The following PDSS2 variants were observed in gnomAD, a reference collection of about 807,000 sequenced individuals.
PDSS2 encodes the protein all trans-polyprenyl-diphosphate synthase PDSS2.
A neutral mutation model predicts 44.5 loss-of-function variants in PDSS2; 31 were observed. The ratio of observed to expected loss-of-function variants is 0.70; its 90% CI spans 0.52 to 0.94. The LOEUF is 0.94. Among genes scored for constraint, PDSS2 ranks in the 40% least tolerant of loss-of-function variants. The pLI, the probability that PDSS2 is intolerant of heterozygous loss-of-function variation, is 0.00. For missense variants in PDSS2, 452 were observed against 482.2 expected (o/e 0.94, Z 0.59); for synonymous variants, 157 against 180.3 (o/e 0.87, Z 1.03).
chr6:107,269,117 T>C (rs1775506368), intron 3 of PDSS2, among the ~76,000 whole-genome samples: 1 of 152,010 alleles, frequency 6.6e-6, no homozygotes, highest in South Asian at 2.1e-4. Flanking sequence ...TTTCAGGGTT[T>C]CATCATGTTG....
chr6:107,154,711 T>A lies in PDSS2; in HGVS notation c.1108A>T (p.Asn370Tyr). The A allele has an allele frequency of 6.2e-7, 1 of 1,614,140 alleles. No homozygotes were observed. Among genetic ancestry groups the A allele is most frequent in the Non-Finnish European group, 8.5e-7 (1 of 1,179,988 alleles). The change falls in exon 8 of 8, where the codon AAC becomes TAC. Residue 370 changes from asparagine to tyrosine, a missense_variant. By Grantham distance (143) the Asn-to-Tyr change is moderately radical. Coordinates refer to ENST00000369037, the MANE Select transcript of PDSS2 (RefSeq NM_020381.4). ...CTCTCCAGGGCCTCCAGTGCCTTGT[T>A]TCCATGGTAACGACACAGGTCAATA... Reference protein sequence around the residue: ...SAIDLCRYHGNKALEALESFP... With the variant: ...SAIDLCRYHGYKALEALESFP...
chr6:107,285,694 C>T (rs1776116720), intron 2 of PDSS2, among the ~76,000 whole-genome samples: 1 of 152,152 alleles, frequency 6.6e-6, no homozygotes, highest in Non-Finnish European at 1.5e-5. Flanking sequence ...AATGTTAGAT[C>T]CCTATCTTAC....
chr6:107,200,055 G>A (rs1772715838), intron 6 of PDSS2, among the ~76,000 whole-genome samples: 1 of 152,116 alleles, frequency 6.6e-6, no homozygotes, highest in Admixed American at 6.6e-5. Flanking sequence ...GTAATTAAGT[G>A]CTTCAACCTT....
rs150431223 is a variant in PDSS2 at position 107,330,067 on chromosome 6, G to C, written c.431+4131C>G. Among the ~76,000 whole-genome samples, 377 of 151,248 alleles carry C rather than the reference G, an allele frequency of 2.5e-3. 2 individuals carry two copies. The highest frequency in any genetic ancestry group is 8.1e-3 in the African/African-American group (336 of 41,250). Reference sequence around the variant, plus strand: ...TCAACAGATAAACCCTAAAATTTAAGTGGCTTAACAAATAGATTTTTCTTC... The same window carrying C: ...TCAACAGATAAACCCTAAAATTTAACTGGCTTAACAAATAGATTTTTCTTC... On this transcript the variant is annotated intron_variant, in intron 2 of 7. Transcript: ENST00000369037.
At position 107,458,991 on chromosome 6, in the gene PDSS2, T is replaced by C; in HGVS notation, c.295A>G (p.Arg99Gly). Residue 99 changes from arginine to glycine, a missense_variant and splice_region_variant, in exon 1 of 8, where the codon AGG (arginine) becomes GGG (glycine). Transcript: ENST00000369037. ...GTCAGCGGGAGAGGGGTAGCTCACC[T>C]GGCTGTGGTAAGCAGAGGGTGCTGA... The part of the protein sequence containing the change: ...GTQHPLLTTA[R>G]GLVHDSWNSL... 1.2e-6 allele frequency: 2 copies of C among 1,613,748 alleles called. No individual in the cohort carries two copies. Among genetic ancestry groups the C allele is most frequent in the Non-Finnish European group, 1.7e-6 (2 of 1,179,682 alleles).
At chr6:107,288,753 GT>G (rs35762837) in intron 2 of PDSS2, among the ~76,000 whole-genome samples, 10,305 of 72,916 alleles carry the variant, frequency 0.14, 166 homozygotes, top group East Asian at 0.21. Flanking sequence ...GGACGAAATT[GT>G]TTTTTTTTTT....
intron 1 of PDSS2, among the ~76,000 whole-genome samples, chr6:107,429,901 A>AAAAAAAAATATATATATAT (rs1166637352): frequency 6.3e-5 from 2 of 31,858 alleles, no homozygotes; most frequent in African/African-American, 1.3e-4. Flanking sequence ...AAAAAAAAAA[A>AAAAAAAAATATATATATAT]ATATATATAT....
intron 7 of PDSS2, among the ~76,000 whole-genome samples, chr6:107,177,099 T>C (rs1336115919): frequency 6.6e-6 from 1 of 151,776 alleles, no homozygotes; most frequent in Non-Finnish European, 1.5e-5. Flanking sequence ...CTATTTTCTT[T>C]ACATGTATCT....
intron 2 of PDSS2, among the ~76,000 whole-genome samples, chr6:107,301,022 A>G (rs1266702638): frequency 6.6e-6 from 1 of 152,208 alleles, no homozygotes; most frequent in African/African-American, 2.4e-5. Context: ...TGTAGATGGC[A>G]CACTTGTTTC....
intron 1 of PDSS2, among the ~76,000 whole-genome samples, chr6:107,353,302 A>G (rs1183719134): frequency 1.3e-5 from 2 of 152,232 alleles, no homozygotes; most frequent in Non-Finnish European, 2.9e-5. Flanking sequence ...ATTAATAAGA[A>G]TAACAATAAA....
intron 4 of PDSS2, among the ~76,000 whole-genome samples, chr6:107,242,873 C>T (rs1774490813): frequency 6.6e-6 from 1 of 152,104 alleles, no homozygotes; most frequent in South Asian, 2.1e-4. Flanking sequence ...AATGGTTTGG[C>T]TATTTTCAGA....
At position 107,334,247 on chromosome 6, in the gene PDSS2, C is replaced by T. The variant is rs201645466; in HGVS notation, c.382G>A (p.Val128Met). Residue 128 changes from valine (V) to methionine (M), a missense_variant, in exon 2 of 8, where the codon GTG (valine) becomes ATG (methionine). Coordinates refer to ENST00000369037, the MANE Select transcript of PDSS2 (RefSeq NM_020381.4). Reference protein sequence around the residue: ...LISKAAGPSSVNTSCQNYDMV... With the variant: ...LISKAAGPSSMNTSCQNYDMV... ...TCATAGTTCTGACATGAAGTGTTCA[C>T]GCTGCTGGGCCCAGCTGCTTTAGAG... The T allele has an allele frequency of 4.6e-5, 75 of 1,613,500 alleles. No homozygotes were observed. Among genetic ancestry groups the T allele is most frequent in the East Asian group, 6.7e-5 (3 of 44,874 alleles).
chr6:107,359,786 A>G (rs1778710984), intron 1 of PDSS2, among the ~76,000 whole-genome samples: 1 of 152,146 alleles, frequency 6.6e-6, no homozygotes, highest in African/African-American at 2.4e-5. Context: ...GAAAAGTCCA[A>G]AGAAATATGA....
intron 7 of PDSS2, among the ~76,000 whole-genome samples, chr6:107,180,506 G>A (rs1034291201): frequency 1.2e-4 from 18 of 152,142 alleles, no homozygotes; most frequent in Admixed American, 5.2e-4. Context: ...GCAAAAACGC[G>A]CAGTATCTTG....
At chr6:107,196,265 G>A (rs1040359609) in intron 6 of PDSS2, among the ~76,000 whole-genome samples, 3 of 152,184 alleles carry the variant, frequency 2.0e-5, no homozygotes, top group East Asian at 1.9e-4. Context: ...GAAGTGGTAG[G>A]GAAGCCCTGA....
intron 4 of PDSS2, among the ~76,000 whole-genome samples, chr6:107,238,513 A>G (rs1211643184): frequency 6.6e-6 from 1 of 152,224 alleles, no homozygotes; most frequent in African/African-American, 2.4e-5. Flanking sequence ...GGAGTCACGC[A>G]GAGTGTGCTT....
rs146311317 is a variant in PDSS2, at chr6:107,285,107, T to G, written c.432-10880A>C. Among the ~76,000 whole-genome samples the G allele has an allele frequency of 2.0e-3, 310 of 152,218 alleles. 1 individual carries two copies. Among genetic ancestry groups the G allele is most frequent in the Middle Eastern group, 6.8e-3 (2 of 294 alleles). On this transcript the variant is annotated intron_variant, in intron 2 of 7. Transcript: ENST00000369037. ...CATATCAATAGAAAACTAATAAATA[T>G]CCCAAACACAACATGTGCAAATTCA... is the stretch of plus-strand genomic sequence containing the variant.
At chr6:107,456,563 CATTTT>C (rs1782050919) in intron 1 of PDSS2, among the ~76,000 whole-genome samples, 1 of 152,132 alleles carries the variant, frequency 6.6e-6, no homozygotes, top group Admixed American at 6.5e-5. Context: ...TTACTTATTT[CATTTT>C]ATTTTGAGAC....
intron 2 of PDSS2, among the ~76,000 whole-genome samples, chr6:107,304,942 G>A (rs1447427529): frequency 1.4e-5 from 2 of 141,724 alleles, no homozygotes; most frequent in East Asian, 2.1e-4. Context: ...TCTCGGTGGT[G>A]GGCAATACTT....
Sources: allele counts gnomAD v4.1 joint callset (sites outside exome capture counted in the v4.1 genomes callset), GRCh38; gene constraint gnomAD v4.1.1; transcripts MANE v1.5; gene names NCBI Gene and HGNC (gene_info 2026-07-23, HGNC 2026-07-21).